UBXN2B: variants seen among roughly 807,000 people sequenced by gnomAD.
UBXN2B encodes the protein UBX domain-containing protein 2B.
UBXN2B carries 19 observed loss-of-function variants against 37.5 expected under a neutral mutation model. The ratio of observed to expected loss-of-function variants is 0.51; its 90% CI spans 0.35 to 0.74. The LOEUF (loss-of-function observed/expected upper bound fraction) is 0.74, where lower values mean the gene tolerates loss of function less well. UBXN2B is among the 30% of genes least tolerant of loss of function. UBXN2B has a pLI of 0.01. For missense variants in UBXN2B, 370 were observed against 393.2 expected (o/e 0.94, Z 0.50); for synonymous variants, 145 against 143.8 (o/e 1.01, Z -0.06).
At chr8:58,438,706 G>A (rs1808477705) in intron 5 of UBXN2B, among the ~76,000 whole-genome samples, 1 of 152,192 alleles carries the variant, frequency 6.6e-6, no homozygotes, top group African/African-American at 2.4e-5. Flanking sequence ...AATCTCAGAT[G>A]AGATTTTGGA....
At chr8:58,442,856 G>A (rs1407701048) in intron 6 of UBXN2B, among the ~76,000 whole-genome samples, 2 of 152,204 alleles carry the variant, frequency 1.3e-5, no homozygotes, top group Non-Finnish European at 2.9e-5. Flanking sequence ...AACAGTCACT[G>A]CCTGTTTGTC....
At chr8:58,417,812 ATT>A (rs1269173368) in intron 2 of UBXN2B, among the ~76,000 whole-genome samples, 1 of 152,184 alleles carries the variant, frequency 6.6e-6, no homozygotes, top group Non-Finnish European at 1.5e-5. Context: ...GCACGCATGT[ATT>A]CTCTCTCTCT....
chr8:58,446,878 AACT>A (rs1343915120), intron 7 of UBXN2B, among the ~76,000 whole-genome samples: 1 of 132,844 alleles, frequency 7.5e-6, no homozygotes, highest in African/African-American at 2.9e-5. Context: ...GCCCACTACA[AACT>A]CCGCCTTCCA....
intron 2 of UBXN2B, chr8:58,424,687 C>CGGG (rs370686138): frequency 4.7e-6 from 5 of 1,067,276 alleles, no homozygotes; most frequent in African/African-American, 1.9e-5. Flanking sequence ...GAGTACAAGG[C>CGGG]GGGGGGGGGG....
chr8:58,423,441 GTT>G (rs905141143), intron 2 of UBXN2B, among the ~76,000 whole-genome samples: 2 of 146,820 alleles, frequency 1.4e-5, no homozygotes, highest in African/African-American at 2.5e-5. Flanking sequence ...TTTTGTTGTT[GTT>G]TTTTTTTTTT....
intron 7 of UBXN2B, among the ~76,000 whole-genome samples, chr8:58,446,417 AAAATTTGTGAT>A (rs1467787849): frequency 6.6e-6 from 1 of 152,202 alleles, no homozygotes; most frequent in Admixed American, 6.6e-5. Flanking sequence ...TATTCATTTA[AAAATTTGTGAT>A]AATTTTGATT....
At chr8:58,432,584 A>C (rs566798564) in intron 3 of UBXN2B, among the ~76,000 whole-genome samples, 92 of 151,954 alleles carry the variant, frequency 6.1e-4, no homozygotes, top group Non-Finnish European at 1.0e-3. Context: ...GGGTTTCACC[A>C]TGTTAGCCAG....
At chr8:58,441,348 C>T (rs1585618302) in intron 6 of UBXN2B, among the ~76,000 whole-genome samples, 46 of 104,544 alleles carry the variant, frequency 4.4e-4, no homozygotes, top group Middle Eastern at 6.3e-3. Flanking sequence ...TTGTGATCAA[C>T]ATATATATAT....
intron 6 of UBXN2B, among the ~76,000 whole-genome samples, 197 bp from the exon 7 acceptor site, chr8:58,445,710 G>A (rs1172090909): frequency 1.3e-5 from 2 of 152,154 alleles, no homozygotes; most frequent in African/African-American, 2.4e-5. Context: ...ATGAGGAAAG[G>A]ATGCAAAGTT....
intron 2 of UBXN2B, chr8:58,426,648 C>G (rs1431902969): frequency 1.3e-6 from 1 of 741,046 alleles, no homozygotes; most frequent in Non-Finnish European, 2.5e-6. Context: ...TGCCTCCACC[C>G]CAGTGATATT....
In UBXN2B at chr8:58,439,654, G is replaced by C; in HGVS notation, c.555G>C (p.Gln185His). 1 of 1,605,336 alleles carries C rather than the reference G, an allele frequency of 6.2e-7. No homozygotes were observed. The highest frequency in any genetic ancestry group is 8.5e-7 in the Non-Finnish European group (1 of 1,177,760). The change falls in exon 6 of 8, where the codon CAG becomes CAC. Residue 185 changes from glutamine to histidine, a missense_variant. Coordinates refer to ENST00000399598, the MANE Select transcript of UBXN2B (RefSeq NM_001077619.2). The part of the protein sequence containing the change: ...VKRGEIPLEL[Q>H]RLVHGGQVNL... The stretch of plus-strand genomic sequence containing the variant: ...AAAGAGAGATTCCCCTGGAGCTTCA[G>C]CGCCTTGTTCATGGTGGCCAAGTGA...
rs16923459 is a variant in UBXN2B at position 58,429,772 on chromosome 8, C to G, written c.189-747C>G. On this transcript the variant is annotated intron_variant, in intron 2 of 7. Coordinates refer to ENST00000399598, the MANE Select transcript of UBXN2B (RefSeq NM_001077619.2). ...TGGAGAGTTATAAGTATTTTAACAACTGAAGTTTGATTGTCATCTTACCCT... is the reference window on the plus strand; with the variant it reads ...TGGAGAGTTATAAGTATTTTAACAAGTGAAGTTTGATTGTCATCTTACCCT... 2.2e-3 allele frequency among the ~76,000 whole-genome samples: 342 copies of G among 152,226 alleles called. 11 individuals are homozygous for G. The East Asian group carries it at 0.055, about 24-fold the overall frequency.
chr8:58,432,197 A>G (rs557744066), intron 3 of UBXN2B, among the ~76,000 whole-genome samples: 3 of 151,862 alleles, frequency 2.0e-5, no homozygotes, highest in African/African-American at 7.2e-5. Context: ...CTCCTTTGTT[A>G]TCTGGAAAAA....
In UBXN2B at chr8:58,446,015, A is replaced by C. The variant is rs762222616; in HGVS notation, c.780A>C (p.Gln260His). ...ATTCAGTGCCAACAACAAAAATTCA[A>C]ATCAGGTTAGCAGATGGGAGTCGTT... ...IDDSVPTTKI[Q>H]IRLADGSRLI... Residue 260 changes from glutamine to histidine, a missense_variant, in exon 7 of 8, where the codon CAA becomes CAC. Coordinates refer to ENST00000399598, the MANE Select transcript of UBXN2B (RefSeq NM_001077619.2). The C allele has an allele frequency of 6.2e-7, 1 of 1,613,268 alleles. No homozygotes were observed. The highest frequency in any genetic ancestry group is 8.5e-7 in the Non-Finnish European group (1 of 1,179,758).
At chr8:58,432,375 CTT>C (rs34018318) in intron 3 of UBXN2B, among the ~76,000 whole-genome samples, 1 of 81,520 alleles carries the variant, frequency 1.2e-5, no homozygotes. Flanking sequence ...TTCTAAATTT[CTT>C]TTTTTTTTTT....
chr8:58,426,438 G>T, intron 2 of UBXN2B: 1 of 630,916 alleles, frequency 1.6e-6, no homozygotes, highest in South Asian at 1.5e-5. Flanking sequence ...TCAATCTCCT[G>T]ACTTTGTGAT....
At chr8:58,411,613 C>G in intron 1 of UBXN2B, 144 bp downstream of exon 1, 1 of 626,022 alleles carries the variant, frequency 1.6e-6, no homozygotes, top group Non-Finnish European at 2.3e-6. Context: ...GCCCGGTCTC[C>G]CGATGTCGGG....
intron 1 of UBXN2B, among the ~76,000 whole-genome samples, chr8:58,412,230 T>C (rs1389176685): frequency 6.6e-6 from 1 of 152,354 alleles, no homozygotes; most frequent in Non-Finnish European, 1.5e-5. Flanking sequence ...AGAACAGTTT[T>C]ACTGTATTAC....
chr8:58,445,110 T>A (rs532823413), intron 6 of UBXN2B, among the ~76,000 whole-genome samples: 1 of 152,206 alleles, frequency 6.6e-6, no homozygotes. Flanking sequence ...GAGCTAAATT[T>A]ATTTGAATTA....
Sources: gnomAD v4.1 joint callset for allele counts (sites outside exome capture counted in the v4.1 genomes callset) on GRCh38, gnomAD v4.1.1 for gene constraint, MANE v1.5 for transcripts, NCBI Gene and HGNC (gene_info 2026-07-23, HGNC 2026-07-21) for gene names.